The following JMY variants were observed in gnomAD, a reference collection of about 807,000 sequenced individuals.
JMY encodes the protein junction-mediating and -regulatory protein.
JMY carries 46 observed loss-of-function variants against 103.3 expected under a neutral mutation model. The observed-to-expected ratio is 0.45, with a 90% CI of 0.35 to 0.57. JMY has a LOEUF of 0.57. JMY is among the 20% of genes least tolerant of loss of function. JMY has a pLI of 0.00. For missense variants in JMY, 1,238 were observed against 1,255.2 expected (o/e 0.99, Z 0.21); for synonymous variants, 526 against 489.3 (o/e 1.07, Z -0.99).
intron 1 of JMY, among the ~76,000 whole-genome samples, chr5:79,275,884 T>G (rs756686677): frequency 1.8e-4 from 27 of 152,148 alleles, no homozygotes; most frequent in Non-Finnish European, 3.7e-4. Flanking sequence ...GCCAAAAATA[T>G]GAACAGGAAA....
At chr5:79,278,962 G>A (rs995259493) in intron 2 of JMY, among the ~76,000 whole-genome samples, 6 of 152,066 alleles carry the variant, frequency 3.9e-5, no homozygotes, top group African/African-American at 9.7e-5. Context: ...AGAAGAACTT[G>A]TTAGGAAAGT....
chr5:79,278,585 C>CAAAAAAAAAAAAAAAAAAA, intron 2 of JMY, among the ~76,000 whole-genome samples: 1 of 57,282 alleles, frequency 1.7e-5, no homozygotes, highest in Non-Finnish European at 3.0e-5. Context: ...CCCGTCTCTA[C>CAAAAAAAAAAAAAAAAAAA]AAAAAAAAAA....
In JMY at chr5:79,293,640, A is replaced by T. The variant is rs189243029; in HGVS notation, c.1527+2341A>T. Among the ~76,000 whole-genome samples the T allele has an allele frequency of 7.9e-5, 12 of 152,318 alleles. No homozygotes were observed. The East Asian group carries it at 2.3e-3, about 29-fold the overall frequency. On this transcript the variant is annotated intron_variant, in intron 4 of 10. Transcript: ENST00000396137. ...AATATGACAACCCTGTACTCAGAGTAATGTACATATATATGCAATTTTGCA... is the reference window on the plus strand; with the variant it reads ...AATATGACAACCCTGTACTCAGAGTTATGTACATATATATGCAATTTTGCA...
intron 1 of JMY, among the ~76,000 whole-genome samples, chr5:79,261,121 C>T (rs1364638690): frequency 1.3e-5 from 2 of 152,154 alleles, no homozygotes; most frequent in Admixed American, 6.6e-5. Flanking sequence ...ACAAACCTGT[C>T]CCTTTTGGTT....
At position 79,325,769 on chromosome 5, in the gene JMY, C is replaced by CGAT. The variant is rs1235176788; in HGVS notation, c.*4168_*4170dup. On this transcript the variant is annotated 3_prime_UTR_variant, in exon 11 of 11. Coordinates refer to ENST00000396137, the MANE Select transcript of JMY (RefSeq NM_152405.5). ...AAATGAAGCAATGGTATTTTTTATC[C>CGAT]GATATAGTGTAATTTAAAAGTTTTC... 1 of 151,932 alleles carries CGAT rather than the reference C, an allele frequency of 6.6e-6. No homozygotes were observed. The highest frequency in any genetic ancestry group is 1.9e-4 in the East Asian group (1 of 5,192). The allele number at this position is 151,932 out of a possible 1,614,324, so 9.4% of individuals were successfully genotyped here. A position where few individuals can be genotyped will look rare whatever the true frequency, so the allele number is the denominator to read the frequency against.
Position 79,325,544 on chromosome 5 carries a change from A to G in JMY, c.*3942A>G, listed in dbSNP as rs2112133872. 6.6e-6 allele frequency: 1 copy of G among 152,318 alleles called. No homozygotes were observed. The highest frequency in any genetic ancestry group is 1.9e-4 in the East Asian group (1 of 5,180). The allele number at this position is 152,318 out of a possible 1,614,324, so 9.4% of individuals were successfully genotyped here. On this transcript the variant is annotated 3_prime_UTR_variant, in exon 11 of 11. Transcript: ENST00000396137. ...TTTCCCACTTACTGCTTAGCATAGA[A>G]AAAGAGCTATGGTTAGAGGAGTGAC...
In JMY at chr5:79,236,892, C is replaced by T. The variant is rs891841077; in HGVS notation, c.242C>T (p.Pro81Leu). 1 of 1,361,390 alleles carries T rather than the reference C, an allele frequency of 7.3e-7. No individual in the cohort carries two copies. The highest frequency in any genetic ancestry group is 1.5e-5 in the African/African-American group (1 of 65,082). 84.3% of individuals were successfully genotyped at this position (1,361,390 alleles called of 1,614,324 possible). The part of the protein sequence containing the change: ...GGAASDGSRG[P>L]GSPAGRGRPE... ...GCTGCGTCCGACGGGAGCCGCGGGC[C>T]CGGCAGCCCGGCGGGCAGGGGTCGG... Residue 81 changes from proline to leucine, a missense_variant, in exon 1 of 11, where the codon CCC (proline) becomes CTC (leucine). Physicochemically the swap from Pro to Leu is moderately conservative, Grantham distance 98. Coordinates refer to ENST00000396137, the MANE Select transcript of JMY (RefSeq NM_152405.5).
At chr5:79,290,790 A>G (rs1376694134) in intron 3 of JMY, among the ~76,000 whole-genome samples, 1 of 152,138 alleles carries the variant, frequency 6.6e-6, no homozygotes, top group Non-Finnish European at 1.5e-5. Context: ...GTTCAAGACC[A>G]GCCTGGCCAA....
Position 79,314,446 on chromosome 5 carries a change from C to A in JMY, c.2254C>A (p.Pro752Thr), listed in dbSNP as rs775146999. 3.7e-5 allele frequency: 59 copies of A among 1,614,006 alleles called. No individual in the cohort carries two copies. Among genetic ancestry groups the A allele is most frequent in the Non-Finnish European group, 4.8e-5 (57 of 1,180,024 alleles). ...VKRGPSQTTE[P>T]QSLVQLEDTS... ...GCGTGGGCCATCACAGACAACAGAA[C>A]CCCAGAGCCTTGTGCAACTTGAAGA... Residue 752 changes from proline (P) to threonine (T), a missense_variant, in exon 9 of 11, where the codon CCC becomes ACC. Physicochemically the swap from Pro to Thr is conservative, Grantham distance 38. Transcript: ENST00000396137.
At chr5:79,258,324 T>TTTTTTTTTTTTTTTTTTTC in intron 1 of JMY, among the ~76,000 whole-genome samples, 1 of 149,824 alleles carries the variant, frequency 6.7e-6, no homozygotes, top group Admixed American at 6.6e-5. Flanking sequence ...GTTTTTTTTT[T>TTTTTTTTTTTTTTTTTTTC]TTTTTTGACA....
In JMY at chr5:79,237,147, C is replaced by T. The variant is rs1287080084; in HGVS notation, c.497C>T (p.Ala166Val). Residue 166 changes from alanine to valine, a missense_variant, in exon 1 of 11, where the codon GCA becomes GTA. Physicochemically the swap from Ala to Val is moderately conservative, Grantham distance 64 (BLOSUM62 0). Coordinates refer to ENST00000396137, the MANE Select transcript of JMY (RefSeq NM_152405.5). ...EADDAAGAAA[A>V]AARPAPREAQ... ...GACGATGCGGCGGGGGCAGCCGCTGCAGCAGCCCGGCCGGCGCCCAGAGAG... is the reference window on the plus strand; with the variant it reads ...GACGATGCGGCGGGGGCAGCCGCTGTAGCAGCCCGGCCGGCGCCCAGAGAG... 1.3e-6 allele frequency: 2 copies of T among 1,547,652 alleles called. No individual in the cohort carries two copies. Among genetic ancestry groups the T allele is most frequent in the Admixed American group, 3.9e-5 (2 of 50,868 alleles).
In JMY at chr5:79,316,168, T is replaced by C. The variant is rs771212216; in HGVS notation, c.2828T>C (p.Leu943Ser). Residue 943 changes from leucine to serine, a missense_variant, in exon 10 of 11, where the codon TTG becomes TCG. Leu to Ser is a moderately radical substitution (Grantham distance 145, BLOSUM62 -2). Coordinates refer to ENST00000396137, the MANE Select transcript of JMY (RefSeq NM_152405.5). ...VKLKKVQKDV[L>S]RESFTLLPDT... ...TTGAAGAAGGTACAGAAGGATGTTT[T>C]GAGAGAATCCTTCACACTTCTACCC... 1 of 1,614,174 alleles carries C rather than the reference T, an allele frequency of 6.2e-7. No individual in the cohort carries two copies. The highest frequency in any genetic ancestry group is 1.1e-5 in the South Asian group (1 of 91,084).
chr5:79,318,095 G>A (rs1022969988), intron 10 of JMY, among the ~76,000 whole-genome samples: 2 of 152,104 alleles, frequency 1.3e-5, no homozygotes, highest in Non-Finnish European at 2.9e-5. Flanking sequence ...TCCACCTCGT[G>A]GGTTCAAGTG....
Position 79,326,676 on chromosome 5 carries a change from A to C in JMY, c.*5074A>C, listed in dbSNP as rs1039865294. 1 of 152,230 alleles carries C rather than the reference A, an allele frequency of 6.6e-6. No homozygotes were observed. The highest frequency in any genetic ancestry group is 1.5e-5 in the Non-Finnish European group (1 of 68,018). The allele number at this position is 152,230 out of a possible 1,614,324, so 9.4% of individuals were successfully genotyped here. On this transcript the variant is annotated 3_prime_UTR_variant, in exon 11 of 11. Transcript: ENST00000396137. ...AATAATTAATTGCCCATTAGGGCTA[A>C]GGAGACTGACATGATTTTTATCGGT...
In JMY at chr5:79,236,704, C is replaced by G. The variant is rs1230834046; in HGVS notation, c.54C>G (p.Pro18=). 2.0e-6 allele frequency: 3 copies of G among 1,500,000 alleles called. No homozygotes were observed. The highest frequency in any genetic ancestry group is 2.7e-6 in the Non-Finnish European group (3 of 1,121,590). 92.9% of individuals were successfully genotyped at this position (1,500,000 alleles called of 1,614,324 possible). The stretch of plus-strand genomic sequence containing the variant: ...AGTCGGACTGGGTGGCTGTGCGGCC[C>G]CATGTGTTCGACGAGCGCGAGAAAC... ...TLESDWVAVR[P]HVFDEREKHK... is the part of the protein sequence containing the mutation. The change falls in exon 1 of 11, where the codon CCC becomes CCG. Residue 18 remains proline, a synonymous_variant. Transcript: ENST00000396137.
chr5:79,318,551 A>G (rs1251056682), intron 10 of JMY, among the ~76,000 whole-genome samples: 3 of 152,258 alleles, frequency 2.0e-5, no homozygotes, highest in Admixed American at 1.3e-4. Flanking sequence ...GCATCAATCA[A>G]TAACTTAAAA....
At chr5:79,287,633 G>A (rs969000136) in intron 2 of JMY, among the ~76,000 whole-genome samples, 6 of 152,024 alleles carry the variant, frequency 3.9e-5, no homozygotes, top group Admixed American at 3.9e-4. Context: ...CTCCAGCCTG[G>A]GCAACATAGT....
At chr5:79,270,171 C>A (rs560240163) in intron 1 of JMY, among the ~76,000 whole-genome samples, 1 of 151,642 alleles carries the variant, frequency 6.6e-6, no homozygotes, top group South Asian at 2.1e-4. Context: ...TTAATTAGGA[C>A]TTTCAGTACT....
rs888147584 is a variant in JMY, at chr5:79,299,508, C to T, written c.1528-645C>T. 2.0e-5 allele frequency among the ~76,000 whole-genome samples: 3 copies of T among 151,920 alleles called. No homozygotes were observed. The East Asian group carries it at 5.8e-4, about 29-fold the overall frequency. ...CAACCAAGCAAACCTCACAGAAGAC[C>T]ATCCTTCACTTTATGAGCCATGCCC... On this transcript the variant is annotated intron_variant, in intron 4 of 10. Transcript: ENST00000396137.
Sources: allele counts gnomAD v4.1 joint callset (sites outside exome capture counted in the v4.1 genomes callset), GRCh38; gene constraint gnomAD v4.1.1; transcripts MANE v1.5; gene names NCBI Gene and HGNC (gene_info 2026-07-23, HGNC 2026-07-21).